The following FAT3 variants were observed in gnomAD, a reference collection of about 807,000 sequenced individuals.
FAT3 encodes the protein FAT atypical cadherin 3, also known as protocadherin Fat 3.
A neutral mutation model predicts 310.2 loss-of-function variants in FAT3; 95 were observed. That is an observed-to-expected ratio of 0.31 (90% CI 0.26 to 0.36). The LOEUF (loss-of-function observed/expected upper bound fraction) is 0.36, where lower values mean the gene tolerates loss of function less well. Ranked by LOEUF, FAT3 falls within the 10% of genes least tolerant of loss-of-function variation. The pLI, the probability that FAT3 is intolerant of heterozygous loss-of-function variation, is 1.00. For missense variants in FAT3, 5,408 were observed against 5,715.6 expected (o/e 0.95, Z 1.74); for synonymous variants, 2,314 against 2,192.9 (o/e 1.06, Z -1.54).
At chr11:92,319,102 C>A (rs1947542120) in intron 1 of FAT3, among the ~76,000 whole-genome samples, 1 of 152,114 alleles carries the variant, frequency 6.6e-6, no homozygotes, top group African/African-American at 2.4e-5. Context: ...TAACAAAAAG[C>A]CCAGGTGATT....
At chr11:92,598,434 G>A (rs148752884) in intron 3 of FAT3, among the ~76,000 whole-genome samples, 56 of 151,846 alleles carry the variant, frequency 3.7e-4, no homozygotes, top group East Asian at 1.8e-3. Flanking sequence ...TATGTTGCCC[G>A]GGCTGATCCC....
At chr11:92,485,638 C>G (rs1952357756) in intron 2 of FAT3, among the ~76,000 whole-genome samples, 2 of 152,108 alleles carry the variant, frequency 1.3e-5, no homozygotes, top group South Asian at 4.1e-4. Flanking sequence ...AAATATTTGT[C>G]TGCATCTTTC....
Position 92,563,045 on chromosome 11 carries a change from T to A in FAT3, c.3607+38097T>A, listed in dbSNP as rs114414368. 9.8e-3 allele frequency among the ~76,000 whole-genome samples: 1,487 copies of A among 152,204 alleles called. 24 individuals carry two copies. The highest frequency in any genetic ancestry group is 0.034 in the African/African-American group (1,417 of 41,502). On this transcript the variant is annotated intron_variant, in intron 3 of 27. Transcript: ENST00000525166. ...TATAGTACATATGAATTGAAAAAAA[T>A]TTTTTGAACAGCTTTGAATTTGGGG...
intron 2 of FAT3, among the ~76,000 whole-genome samples, chr11:92,439,952 A>G (rs78892207): frequency 6.6e-6 from 1 of 151,862 alleles, no homozygotes; most frequent in East Asian, 1.9e-4. Flanking sequence ...AAAAAAAAAA[A>G]CCTGCTGAAG....
chr11:92,381,276 G>A (rs181551918), intron 2 of FAT3, among the ~76,000 whole-genome samples: 3 of 152,254 alleles, frequency 2.0e-5, no homozygotes, highest in Non-Finnish European at 1.5e-5. Flanking sequence ...TAGGGAGGCC[G>A]AGGCAGGTGG....
rs564128981 is a variant in FAT3 at position 92,801,787 on chromosome 11, C to T, written c.8774C>T (p.Ala2925Val). ...TDINDNAPVF[A>V]QEVYRGNVKE... is the part of the protein sequence containing the mutation. ...ATAAATGACAATGCACCAGTCTTCG[C>T]GCAGGAAGTGTACCGAGGGAATGTG... Residue 2925 changes from alanine to valine, a missense_variant, in exon 10 of 28, where the codon GCG becomes GTG. Transcript: ENST00000525166. 4 of 1,613,784 alleles carry T rather than the reference C, an allele frequency of 2.5e-6. No individual in the cohort carries two copies. The highest frequency in any genetic ancestry group is 2.2e-5 in the East Asian group (1 of 44,886).
chr11:92,353,923 A>G lies in FAT3; in HGVS notation c.1811A>G (p.Asp604Gly), dbSNP rs1402041292. 1.9e-6 allele frequency: 3 copies of G among 1,611,840 alleles called. No homozygotes were observed. The highest frequency in any genetic ancestry group is 2.2e-5 in the South Asian group (2 of 91,056). ...GGHITAVSAI[D>G]IDELELVKYK... ...CACATCACAGCAGTCTCAGCGATCGATATCGATGAACTTGAACTTGTAAAG... is the reference window on the plus strand; with the variant it reads ...CACATCACAGCAGTCTCAGCGATCGGTATCGATGAACTTGAACTTGTAAAG... Residue 604 changes from aspartate (D) to glycine (G), a missense_variant, in exon 2 of 28, where the codon GAT (aspartate) becomes GGT (glycine). By Grantham distance (94) the Asp-to-Gly change is moderately conservative. Coordinates refer to ENST00000525166, the MANE Select transcript of FAT3 (RefSeq NM_001367949.2).
intron 1 of FAT3, among the ~76,000 whole-genome samples, 133 bp downstream of exon 1, chr11:92,225,307 C>A (rs930491116): frequency 6.6e-6 from 1 of 152,170 alleles, no homozygotes; most frequent in Admixed American, 6.5e-5. Flanking sequence ...GCCGACGAAG[C>A]GCGTGGGGGA....
At chr11:92,336,115 A>G (rs1432369709) in intron 1 of FAT3, 10 of 525,842 alleles carry the variant, frequency 1.9e-5, no homozygotes, top group Middle Eastern at 3.2e-4. Context: ...GCCTCTCGGT[A>G]TTTCACAAGC....
chr11:92,363,577 C>T (rs1948935006), intron 2 of FAT3, among the ~76,000 whole-genome samples: 1 of 152,188 alleles, frequency 6.6e-6, no homozygotes, highest in African/African-American at 2.4e-5. Context: ...TATTTGGTGG[C>T]TTTGGTTTAA....
At chr11:92,869,886 C>T (rs1375893608) in intron 22 of FAT3, among the ~76,000 whole-genome samples, 1 of 152,132 alleles carries the variant, frequency 6.6e-6, no homozygotes, top group Non-Finnish European at 1.5e-5. Flanking sequence ...GTTGTGCCCC[C>T]AGATCAAAGA....
At chr11:92,392,582 C>T (rs1949774917) in intron 2 of FAT3, among the ~76,000 whole-genome samples, 2 of 152,258 alleles carry the variant, frequency 1.3e-5, no homozygotes, top group South Asian at 2.1e-4. Flanking sequence ...GAAGTGTCTA[C>T]ACCACCCTAT....
chr11:92,325,388 G>C (rs909101130), intron 1 of FAT3, among the ~76,000 whole-genome samples: 1 of 152,170 alleles, frequency 6.6e-6, no homozygotes, highest in Non-Finnish European at 1.5e-5. Flanking sequence ...GACTCCCTAG[G>C]TGTACACAAT....
Position 92,891,202 on chromosome 11 carries a change from G to C in FAT3, c.*89G>C. The C allele has an allele frequency of 1.4e-6, 2 of 1,480,194 alleles. No homozygotes were observed. The highest frequency in any genetic ancestry group is 1.8e-6 in the Non-Finnish European group (2 of 1,095,716). 91.7% of individuals were successfully genotyped at this position (1,480,194 alleles called of 1,614,324 possible). ...TCTGTCCCAGTGGAGCATTGTCTGT[G>C]GAATGAGAAGGGAATACTGTATTTT... On this transcript the variant is annotated 3_prime_UTR_variant, in exon 28 of 28. Transcript: ENST00000525166.
At chr11:92,775,518 T>A (rs1946576397) in intron 7 of FAT3, among the ~76,000 whole-genome samples, 1 of 152,162 alleles carries the variant, frequency 6.6e-6, no homozygotes, top group Non-Finnish European at 1.5e-5. Flanking sequence ...GTGAGACAAT[T>A]TCTGATCCTC....
intron 4 of FAT3, among the ~76,000 whole-genome samples, chr11:92,728,637 A>G (rs370572762): frequency 6.6e-6 from 1 of 152,326 alleles, no homozygotes; most frequent in African/African-American, 2.4e-5. Flanking sequence ...AGAGGCTGGA[A>G]GTTCAACGTC....
chr11:92,854,219 G>A (rs550869721), intron 19 of FAT3, among the ~76,000 whole-genome samples: 25 of 152,294 alleles, frequency 1.6e-4, no homozygotes, highest in Non-Finnish European at 2.4e-4. Flanking sequence ...CCACAACTTC[G>A]CTTCAAAATT....
At chr11:92,778,198 C>G (rs1946643910) in intron 7 of FAT3, among the ~76,000 whole-genome samples, 1 of 152,126 alleles carries the variant, frequency 6.6e-6, no homozygotes, top group Non-Finnish European at 1.5e-5. Flanking sequence ...TCCTCATGTG[C>G]CATCCCAGGA....
Position 92,602,783 on chromosome 11 carries a change from A to G in FAT3, c.3607+77835A>G, listed in dbSNP as rs78789957. On this transcript the variant is annotated intron_variant, in intron 3 of 27. Coordinates refer to ENST00000525166, the MANE Select transcript of FAT3 (RefSeq NM_001367949.2). ...GCTGCTTCATTGATATCTAGATAGT[A>G]GATGTGTATTACGTATTAGGTTTAT... Among the ~76,000 whole-genome samples the G allele has an allele frequency of 2.0e-4, 31 of 152,336 alleles. No individual in the cohort carries two copies. In the East Asian group the frequency reaches 5.4e-3, roughly 27 times the overall value.
Sources: gnomAD v4.1 joint callset for allele counts (sites outside exome capture counted in the v4.1 genomes callset) on GRCh38, gnomAD v4.1.1 for gene constraint, MANE v1.5 for transcripts, NCBI Gene and HGNC (gene_info 2026-07-23, HGNC 2026-07-21) for gene names.